EXOC4: variants seen among roughly 807,000 people sequenced by gnomAD.
EXOC4 encodes the protein SEC8-like 1.
EXOC4 carries 71 observed loss-of-function variants against 107.2 expected under a neutral mutation model. That is an observed-to-expected ratio of 0.66 (90% CI 0.55 to 0.81). The LOEUF (loss-of-function observed/expected upper bound fraction) is 0.81, where lower values mean the gene tolerates loss of function less well. EXOC4 is among the 30% of genes least tolerant of loss of function. The pLI is 0.00. For missense variants in EXOC4, 1,108 were observed against 1,189.6 expected (o/e 0.93, Z 1.01); for synonymous variants, 456 against 441.2 (o/e 1.03, Z -0.42).
intron 10 of EXOC4, among the ~76,000 whole-genome samples, chr7:133,786,774 G>A (rs1796577376): frequency 6.6e-6 from 1 of 152,194 alleles, no homozygotes; most frequent in Non-Finnish European, 1.5e-5. Flanking sequence ...TCACCATCCT[G>A]GCTATTAGAA....
intron 9 of EXOC4, among the ~76,000 whole-genome samples, chr7:133,557,092 A>G (rs781434448): frequency 1.5e-4 from 23 of 152,208 alleles, no homozygotes; most frequent in Non-Finnish European, 2.6e-4. Context: ...AGAAAACAGC[A>G]GCTAACCTAA....
the EXOC4 span, among the ~76,000 whole-genome samples, chr7:134,097,213 C>T: frequency 7.6e-4 from 115 of 151,984 alleles, no homozygotes; most frequent in African/African-American, 2.6e-3. Flanking sequence ...GGAGTGGAAC[C>T]GGGTAATATA....
intron 9 of EXOC4, among the ~76,000 whole-genome samples, chr7:133,609,930 T>C (rs910508237): frequency 2.0e-5 from 3 of 152,216 alleles, no homozygotes; most frequent in African/African-American, 7.2e-5. Flanking sequence ...ACATCAGTAG[T>C]TATAGTCCAT....
At chr7:133,362,942 A>G (rs914866924) in intron 6 of EXOC4, among the ~76,000 whole-genome samples, 1 of 152,226 alleles carries the variant, frequency 6.6e-6, no homozygotes, top group Non-Finnish European at 1.5e-5. Flanking sequence ...AAGCAAGGTC[A>G]GGCATTTTCC....
the EXOC4 span, among the ~76,000 whole-genome samples, chr7:134,083,656 A>T: frequency 6.6e-6 from 1 of 152,152 alleles, no homozygotes; most frequent in East Asian, 1.9e-4. Context: ...TCAGCAGGGT[A>T]GTCGGACTTC....
intron 7 of EXOC4, among the ~76,000 whole-genome samples, chr7:133,424,509 C>A (rs1797680253): frequency 6.6e-6 from 1 of 152,066 alleles, no homozygotes; most frequent in Admixed American, 6.5e-5. Context: ...CTGTAACACT[C>A]ACCGTGAGGG....
At chr7:133,609,724 T>C (rs1275997351) in intron 9 of EXOC4, among the ~76,000 whole-genome samples, 1 of 152,214 alleles carries the variant, frequency 6.6e-6, no homozygotes, top group Non-Finnish European at 1.5e-5. Flanking sequence ...ATAGACACGG[T>C]GGGCCAGGTG....
At chr7:133,316,266 A>ATCCT (rs1196378494) in intron 4 of EXOC4, among the ~76,000 whole-genome samples, 6 of 152,002 alleles carry the variant, frequency 3.9e-5, no homozygotes, top group South Asian at 2.1e-4. Flanking sequence ...AATTGCACAC[A>ATCCT]TCCTTCCTTC....
At chr7:133,958,056 CAG>C (rs1800858551) in intron 14 of EXOC4, among the ~76,000 whole-genome samples, 1 of 152,176 alleles carries the variant, frequency 6.6e-6, no homozygotes, top group African/African-American at 2.4e-5. Flanking sequence ...TAGATGTTGA[CAG>C]GGCCAGTATC....
chr7:133,431,802 G>T (rs1283359735), intron 7 of EXOC4, among the ~76,000 whole-genome samples: 1 of 152,206 alleles, frequency 6.6e-6, no homozygotes, highest in African/African-American at 2.4e-5. Context: ...CAGACTACAG[G>T]TAGACATTGA....
chr7:133,776,018 G>A (rs1476126090), intron 10 of EXOC4, among the ~76,000 whole-genome samples: 1 of 152,000 alleles, frequency 6.6e-6, no homozygotes, highest in Non-Finnish European at 1.5e-5. Context: ...GCATTATTGG[G>A]CATTCTGTAG....
At chr7:133,903,627 A>G (rs10241782) in intron 12 of EXOC4, among the ~76,000 whole-genome samples, 94,647 of 152,122 alleles carry the variant, frequency 0.62, 31,976 homozygotes, top group African/African-American at 0.9. Flanking sequence ...GCTTAAATTT[A>G]GAGTGTCTCT....
chr7:133,963,744 C>G (rs1401666595), intron 14 of EXOC4, among the ~76,000 whole-genome samples: 2 of 152,192 alleles, frequency 1.3e-5, no homozygotes, highest in African/African-American at 4.8e-5. Flanking sequence ...TCTGTTACTT[C>G]AATCCTTTAA....
chr7:133,789,389 C>G (rs539689551), intron 10 of EXOC4, among the ~76,000 whole-genome samples: 3 of 152,172 alleles, frequency 2.0e-5, no homozygotes, highest in Non-Finnish European at 4.4e-5. Context: ...ACTACTCTCT[C>G]TCCTCCCCCA....
chr7:134,022,784 A>T (rs997390949), intron 17 of EXOC4, among the ~76,000 whole-genome samples: 44 of 152,224 alleles, frequency 2.9e-4, no homozygotes, highest in Non-Finnish European at 8.8e-5. Context: ...ATATTATCAC[A>T]CATCAATTTC....
At chr7:133,295,513 T>G (rs1231168060) in intron 3 of EXOC4, among the ~76,000 whole-genome samples, 1 of 152,180 alleles carries the variant, frequency 6.6e-6, no homozygotes, top group Admixed American at 6.5e-5. Flanking sequence ...GTAAATATGT[T>G]AATCCACTGG....
chr7:133,587,444 C>G (rs941996841), intron 9 of EXOC4, among the ~76,000 whole-genome samples: 7 of 152,134 alleles, frequency 4.6e-5, no homozygotes, highest in Non-Finnish European at 1.0e-4. Context: ...GGAGAAATTG[C>G]TTGATCTCAG....
At chr7:133,540,411 A>G (rs1800356030) in intron 9 of EXOC4, among the ~76,000 whole-genome samples, 2 of 152,318 alleles carry the variant, frequency 1.3e-5, no homozygotes, top group South Asian at 2.1e-4. Context: ...TATATTAAAA[A>G]CCAGTGTAAC....
At chr7:133,661,715 A>ATCACAG (rs1428487513) in intron 10 of EXOC4, among the ~76,000 whole-genome samples, 2 of 147,902 alleles carry the variant, frequency 1.4e-5, no homozygotes, top group Non-Finnish European at 3.0e-5. Context: ...AAGAATTTTG[A>ATCACAG]TCACAGTCAG....
Sources: allele counts gnomAD v4.1 joint callset (sites outside exome capture counted in the v4.1 genomes callset), GRCh38; gene constraint gnomAD v4.1.1; transcripts MANE v1.5; gene names NCBI Gene and HGNC (gene_info 2026-07-23, HGNC 2026-07-21).